The following MARK2 variants were observed in gnomAD, a reference collection of about 807,000 sequenced individuals.
MARK2 encodes microtubule affinity regulating kinase 2.
In MARK2, 16 loss-of-function variants were observed where a neutral mutation model predicts 89.8. The observed-to-expected ratio is 0.18, with a 90% confidence interval of 0.12 to 0.27. The LOEUF (loss-of-function observed/expected upper bound fraction) is 0.27. MARK2 is among the 10% of genes least tolerant of loss of function. The probability of loss-of-function intolerance (pLI) is 1.00; values close to 1 mark genes in which losing one functional copy is unlikely to be tolerated. For missense variants in MARK2, 621 were observed against 1,049.9 expected, an observed-to-expected ratio of 0.59 and a Z score of 5.65; for synonymous variants, 382 against 399.5, an observed-to-expected ratio of 0.96 and a Z score of 0.52.
intron 1 of MARK2, 138 bp downstream of exon 1, chr11:63,839,698 C>A (rs1321553006): frequency 1.5e-6 from 1 of 647,038 alleles, no homozygotes; most frequent in Admixed American, 3.0e-5. Context: ...GCTCCTGGCT[C>A]CGGCTCCGCA....
Position 63,901,142 on chromosome 11 carries a change from T to C in MARK2, c.1101+73T>C. 3.1e-6 allele frequency: 3 copies of C among 972,496 alleles called. No individual in the cohort carries two copies. The Admixed American group carries it at 5.6e-5, about 18-fold the overall frequency. The allele number at this position is 972,496 out of a possible 1,614,324, so 60.2% of individuals were successfully genotyped here. On this transcript the variant is annotated intron_variant, in intron 11 of 18. Coordinates refer to ENST00000402010, the MANE Select transcript of MARK2 (RefSeq NM_001039469.3). ...GTAGCACCTATGCTTCTAACACCTG[T>C]TGAGGGCAGAAGCTCATCTCTGAGT...
rs1250350041 is a variant in MARK2, at chr11:63,839,208, C to G, written c.-299C>G. 3 of 219,878 alleles carry G rather than the reference C, an allele frequency of 1.4e-5. No individual in the cohort carries two copies. The highest frequency in any genetic ancestry group is 4.7e-5 in the African/African-American group (2 of 42,996). 13.6% of individuals were successfully genotyped at this position (219,878 alleles called of 1,614,324 possible). A position where few individuals can be genotyped will look rare whatever the true frequency, so the allele number is the denominator to read the frequency against. On this transcript the variant is annotated 5_prime_UTR_variant, in exon 1 of 19. Transcript: ENST00000402010. ...CGCTGAGGGCAGGGGAGGAGCGAGG[C>G]AGGCGGCCGGCTGCGGCGGCAGAGA...
chr11:63,880,116 T>G (rs1939000893), intron 1 of MARK2: 1 of 134,480 alleles, frequency 7.4e-6, no homozygotes, highest in African/African-American at 2.6e-5. Flanking sequence ...GTTGCATAAA[T>G]GCTGAGTTTT....
At chr11:63,867,751 A>G (rs1938213585) in intron 1 of MARK2, among the ~76,000 whole-genome samples, 1 of 152,172 alleles carries the variant, frequency 6.6e-6, no homozygotes, top group South Asian at 2.1e-4. Flanking sequence ...AACTCTCACC[A>G]TGGCTGACGC....
intron 1 of MARK2, among the ~76,000 whole-genome samples, chr11:63,876,324 AG>A (rs1214406244): frequency 6.6e-6 from 1 of 152,242 alleles, no homozygotes; most frequent in Non-Finnish European, 1.5e-5. Context: ...TGAGTACAGA[AG>A]TTCAAGTTAT....
At chr11:63,839,664 A>AGCCGAGGCTTGCAGG in intron 1 of MARK2, 104 bp downstream of exon 1, 1 of 757,506 alleles carries the variant, frequency 1.3e-6, no homozygotes, top group Non-Finnish European at 2.2e-6. Flanking sequence ...GCCATCCTGC[A>AGCCGAGGCTTGCAGG]AGCCTCGGCT....
Position 63,859,337 on chromosome 11 carries a change from C to T in MARK2, c.54+19777C>T, listed in dbSNP as rs76527104. Among the ~76,000 whole-genome samples the T allele has an allele frequency of 1.4e-3, 215 of 150,216 alleles. 1 individual carries two copies. Among genetic ancestry groups the T allele is most frequent in the African/African-American group, 4.9e-3 (200 of 40,858 alleles). ...TTTATTTCTTTTTTTTTTTTTTCCC[C>T]GAGAAGGAGTCCTGCTCTGTCACGC... On this transcript the variant is annotated intron_variant, in intron 1 of 18. Coordinates refer to ENST00000402010, the MANE Select transcript of MARK2 (RefSeq NM_001039469.3).
chr11:63,853,586 TC>T (rs1410542498), intron 1 of MARK2, among the ~76,000 whole-genome samples: 1 of 152,212 alleles, frequency 6.6e-6, no homozygotes, highest in Non-Finnish European at 1.5e-5. Flanking sequence ...TGATAAATAT[TC>T]AAAGGGTTGA....
chr11:63,904,581 C>A lies in MARK2; in HGVS notation c.1677-205C>A, dbSNP rs951112453. Among the ~76,000 whole-genome samples, 7 of 152,092 alleles carry A rather than the reference C, an allele frequency of 4.6e-5. No individual in the cohort carries two copies. The highest frequency in any genetic ancestry group is 8.8e-5 in the Non-Finnish European group (6 of 68,010). On this transcript the variant is annotated intron_variant, in intron 15 of 18. Coordinates refer to ENST00000402010, the MANE Select transcript of MARK2 (RefSeq NM_001039469.3). This position sits in a 1 kb window ranked among gnomAD's most constrained non-coding sequence, Gnocchi z 6.3. ...GGTCCTTCCTTGCCTCCCTCCCTCC[C>A]TTCCCAAACCATCTCCTTCCACTTC...
At chr11:63,842,557 G>T (rs867166844) in intron 1 of MARK2, among the ~76,000 whole-genome samples, 2 of 152,086 alleles carry the variant, frequency 1.3e-5, no homozygotes, top group Non-Finnish European at 1.5e-5. Context: ...AGCTCCTCAG[G>T]TCACAAGGCC....
chr11:63,840,522 TTGCCTTTC>T (rs1029315381), intron 1 of MARK2, among the ~76,000 whole-genome samples: 14 of 152,222 alleles, frequency 9.2e-5, no homozygotes, highest in Non-Finnish European at 1.3e-4. Flanking sequence ...ATCACAGTTT[TTGCCTTTC>T]TGTCTTCGTA....
At chr11:63,887,143 C>A (rs1939449090) in intron 1 of MARK2, among the ~76,000 whole-genome samples, 1 of 152,208 alleles carries the variant, frequency 6.6e-6, no homozygotes, top group Admixed American at 6.5e-5. Flanking sequence ...AGTCTTCATA[C>A]CTTCTGCCTC....
rs570767262 is a variant in MARK2 at position 63,850,877 on chromosome 11, T to C, written c.54+11317T>C. 3.3e-5 allele frequency among the ~76,000 whole-genome samples: 5 copies of C among 152,252 alleles called. No individual in the cohort carries two copies. In the East Asian group the frequency reaches 7.7e-4, roughly 24 times the overall value. On this transcript the variant is annotated intron_variant, in intron 1 of 18. Coordinates refer to ENST00000402010, the MANE Select transcript of MARK2 (RefSeq NM_001039469.3). Reference sequence around the variant, plus strand: ...TGAGTTCTCACTGTGTTGCCCAGGCTGGTCTTGAATATTTGGCCTCAAGTG... The same window carrying C: ...TGAGTTCTCACTGTGTTGCCCAGGCCGGTCTTGAATATTTGGCCTCAAGTG...
chr11:63,904,890 G>A lies in MARK2; in HGVS notation c.1781G>A (p.Arg594Gln). 2 of 1,614,190 alleles carry A rather than the reference G, an allele frequency of 1.2e-6. No homozygotes were observed. The highest frequency in any genetic ancestry group is 1.7e-6 in the Non-Finnish European group (2 of 1,180,034). ...RTNFPRGVSSRSTFHAGQLRQ... is the reference protein window; with the variant it reads ...RTNFPRGVSSQSTFHAGQLRQ... ...AACTTCCCCCGGGGTGTGTCCAGCC[G>A]AAGCACCTTCCATGCTGGGCAGCTC... Residue 594 changes from arginine to glutamine, a missense_variant, in exon 16 of 19, where the codon CGA (arginine) becomes CAA (glutamine). Arg to Gln is a conservative substitution (Grantham distance 43). Around this residue, in one of 5 missense-constraint regions of MARK2, gnomAD observed 397 missense variants for 567.8 expected, o/e 0.70. Transcript: ENST00000402010. The surrounding 1 kb of genome is among the most constrained non-coding windows in gnomAD (Gnocchi z 6.3).
Position 63,895,658 on chromosome 11 carries a change from CTTTTTTTTT to C in MARK2, c.288+45_288+53del, listed in dbSNP as rs544118942. On this transcript the variant is annotated intron_variant, in intron 3 of 18. Transcript: ENST00000402010. ...AGTAAGCACATGGCACCTCCTGTCC[CTTTTTTTTT>C]TTTTTTTTTTTTTTTTTTTGAGTCA... 76 of 1,162,996 alleles carry C rather than the reference CTTTTTTTTT, an allele frequency of 6.5e-5. 1 individual carries two copies. Among genetic ancestry groups the C allele is most frequent in the African/African-American group, 3.9e-4 (15 of 37,998 alleles). 72.0% of individuals were successfully genotyped at this position (1,162,996 alleles called of 1,614,324 possible).
At chr11:63,881,498 G>T (rs1326335699) in intron 1 of MARK2, among the ~76,000 whole-genome samples, 1 of 152,144 alleles carries the variant, frequency 6.6e-6, no homozygotes, top group Non-Finnish European at 1.5e-5. Flanking sequence ...CAACTTTAAA[G>T]ATCAAAAAGT....
intron 1 of MARK2, among the ~76,000 whole-genome samples, chr11:63,860,271 C>T (rs879711759): frequency 6.6e-5 from 10 of 151,884 alleles, no homozygotes; most frequent in African/African-American, 9.7e-5. Context: ...AAACTCATGT[C>T]GGCTGGGTGC....
intron 1 of MARK2, among the ~76,000 whole-genome samples, chr11:63,845,190 A>T (rs749081894): frequency 1.3e-5 from 2 of 152,140 alleles, no homozygotes; most frequent in African/African-American, 4.8e-5. Context: ...ACAAGCCCCT[A>T]TTCCCTCTGC....
At chr11:63,853,547 T>C (rs752155656) in intron 1 of MARK2, among the ~76,000 whole-genome samples, 5 of 152,252 alleles carry the variant, frequency 3.3e-5, no homozygotes, top group Non-Finnish European at 7.3e-5. Context: ...ATTTATTTTA[T>C]GTGAATGCTC....
Sources: allele counts gnomAD v4.1 joint callset (sites outside exome capture counted in the v4.1 genomes callset), GRCh38; gene constraint gnomAD v4.1.1; regional missense constraint gnomAD v4.1.1; non-coding constraint Gnocchi (gnomAD v3.1); transcripts MANE v1.5; gene names NCBI Gene and HGNC (gene_info 2026-07-23, HGNC 2026-07-21).